The following PABPC4L variants were observed in gnomAD, a reference collection of about 807,000 sequenced individuals.
PABPC4L encodes polyadenylate-binding protein 4-like.
For synonymous variants in PABPC4L, 169 were observed against 164.1 expected (o/e 1.03, Z -0.23); for missense variants, 452 against 451.4 (o/e 1.00, Z -0.01).
chr4:134,066,540 C>T, the PABPC4L span, among the ~76,000 whole-genome samples: 2 of 152,016 alleles, frequency 1.3e-5, no homozygotes, highest in African/African-American at 4.8e-5. Context: ...ATTTCTTTTT[C>T]TTTCCTGATT....
chr4:134,143,491 TTAA>T, the PABPC4L span, among the ~76,000 whole-genome samples: 7 of 150,586 alleles, frequency 4.6e-5, no homozygotes, highest in African/African-American at 1.7e-4. Flanking sequence ...TTTTTCAATA[TTAA>T]TAAATACTCA....
chr4:134,082,943 T>C, the PABPC4L span, among the ~76,000 whole-genome samples: 1 of 152,136 alleles, frequency 6.6e-6, no homozygotes, highest in Admixed American at 6.6e-5. Flanking sequence ...CGGAAATAAC[T>C]TTGGAAGCCC....
chr4:134,108,650 G>A, the PABPC4L span, among the ~76,000 whole-genome samples: 4 of 151,784 alleles, frequency 2.6e-5, no homozygotes, highest in African/African-American at 9.7e-5. Context: ...TCTTAATTAT[G>A]ATTTCCATGT....
the PABPC4L span, among the ~76,000 whole-genome samples, chr4:134,053,437 G>A: frequency 6.6e-6 from 1 of 152,086 alleles, no homozygotes; most frequent in Non-Finnish European, 1.5e-5. Context: ...TGCATGCAAA[G>A]CAAGGCAGGT....
At chr4:134,108,588 A>G in the PABPC4L span, among the ~76,000 whole-genome samples, 1 of 151,854 alleles carries the variant, frequency 6.6e-6, no homozygotes, top group Non-Finnish European at 1.5e-5. Flanking sequence ...AAACTTAGGC[A>G]TTAGACAAAT....
the PABPC4L span, among the ~76,000 whole-genome samples, chr4:133,949,610 C>T: frequency 6.6e-6 from 1 of 152,050 alleles, no homozygotes; most frequent in African/African-American, 2.4e-5. Context: ...GTTTCTTGAC[C>T]CGAGTATAAT....
At chr4:134,108,277 C>T in the PABPC4L span, among the ~76,000 whole-genome samples, 4 of 151,748 alleles carry the variant, frequency 2.6e-5, 1 homozygote, top group South Asian at 8.3e-4. Context: ...AATTATGTGA[C>T]AAAGTCAAAT....
chr4:134,092,239 C>T, the PABPC4L span, among the ~76,000 whole-genome samples: 1 of 151,914 alleles, frequency 6.6e-6, no homozygotes, highest in Non-Finnish European at 1.5e-5. Context: ...CCTGCCACAC[C>T]CCCATCCTCT....
chr4:133,986,188 A>G, the PABPC4L span, among the ~76,000 whole-genome samples: 19 of 152,162 alleles, frequency 1.2e-4, no homozygotes, highest in Non-Finnish European at 2.6e-4. Context: ...GGTAGCAGGT[A>G]TTAAATGCTT....
chr4:134,026,443 T>G, the PABPC4L span, among the ~76,000 whole-genome samples: 2 of 152,134 alleles, frequency 1.3e-5, no homozygotes, highest in African/African-American at 4.8e-5. Flanking sequence ...TTCACCATAT[T>G]GGCCAGGAAT....
the PABPC4L span, among the ~76,000 whole-genome samples, chr4:134,128,943 T>G: frequency 2.6e-5 from 4 of 151,986 alleles, no homozygotes; most frequent in East Asian, 7.8e-4. Context: ...ACCTGACACA[T>G]AAGGACTCAT....
chr4:134,066,029 T>C, the PABPC4L span, among the ~76,000 whole-genome samples: 2 of 152,104 alleles, frequency 1.3e-5, no homozygotes, highest in Non-Finnish European at 2.9e-5. Flanking sequence ...TAATTTGAAG[T>C]TGGGTAGTGT....
chr4:134,038,962 TG>T, the PABPC4L span, among the ~76,000 whole-genome samples: 1 of 152,280 alleles, frequency 6.6e-6, no homozygotes, highest in African/African-American at 2.4e-5. Context: ...AGGCATTTAG[TG>T]CTATAAATTT....
chr4:134,111,059 T>C, the PABPC4L span, among the ~76,000 whole-genome samples: 1 of 152,034 alleles, frequency 6.6e-6, no homozygotes, highest in African/African-American at 2.4e-5. Flanking sequence ...CTCATAGTTT[T>C]GAAAGTCGAA....
the PABPC4L span, among the ~76,000 whole-genome samples, chr4:134,018,190 T>C: frequency 1.3e-5 from 2 of 151,894 alleles, no homozygotes; most frequent in Non-Finnish European, 2.9e-5. Context: ...TGACCCCCAC[T>C]CCTGCCCGCC....
the PABPC4L span, among the ~76,000 whole-genome samples, chr4:134,094,605 C>G: frequency 6.6e-6 from 1 of 151,776 alleles, no homozygotes; most frequent in South Asian, 2.1e-4. Flanking sequence ...TTAAATAAGT[C>G]TAATTTATGC....
the PABPC4L span, among the ~76,000 whole-genome samples, chr4:133,949,064 T>A: frequency 6.6e-6 from 1 of 152,168 alleles, no homozygotes; most frequent in African/African-American, 2.4e-5. Context: ...GTAGCTAGTT[T>A]ATTGTGATTG....
rs1416844051 is a variant in PABPC4L, at chr4:134,196,771, T to G, written c.*3136A>C. The G allele has an allele frequency of 6.6e-6, 1 of 151,088 alleles. No homozygotes were observed. The highest frequency in any genetic ancestry group is 6.6e-5 in the Admixed American group (1 of 15,132). The allele number at this position is 151,088 out of a possible 1,614,324, so 9.4% of individuals were successfully genotyped here. On this transcript the variant is annotated 3_prime_UTR_variant, in exon 2 of 2. Transcript: ENST00000421491. Reference sequence around the variant, plus strand: ...AAAATTAGAATGAACAAAATTTAAATAAATTAAATCCATAGGATTGTATAT... The same window carrying G: ...AAAATTAGAATGAACAAAATTTAAAGAAATTAAATCCATAGGATTGTATAT...
chr4:133,999,004 T>G, the PABPC4L span, among the ~76,000 whole-genome samples: 4 of 151,988 alleles, frequency 2.6e-5, no homozygotes, highest in African/African-American at 4.8e-5. Flanking sequence ...TATACCCAGA[T>G]GAAAGGACTG....
Sources: allele counts gnomAD v4.1 joint callset (sites outside exome capture counted in the v4.1 genomes callset), GRCh38; gene constraint gnomAD v4.1.1; transcripts MANE v1.5; gene names NCBI Gene and HGNC (gene_info 2026-07-23, HGNC 2026-07-21).